ITPR1: variants seen among roughly 807,000 people sequenced by gnomAD.
ITPR1 encodes the protein inositol 1,4,5-trisphosphate receptor type 1, also known as inositol 1,4,5-trisphosphate-gated calcium channel ITPR1.
ITPR1 carries 96 observed loss-of-function variants against 318.4 expected under a neutral mutation model. The observed-to-expected ratio is 0.30, with a 90% CI of 0.26 to 0.36. The LOEUF (loss-of-function observed/expected upper bound fraction) is 0.36, where lower values mean the gene tolerates loss of function less well. Ranked by LOEUF, ITPR1 falls within the 10% of genes least tolerant of loss-of-function variation. The pLI, the probability that ITPR1 is intolerant of heterozygous loss-of-function variation, is 1.00. For synonymous variants in ITPR1, 1,312 were observed against 1,289.9 expected (o/e 1.02, Z -0.37); for missense variants, 2,440 against 3,460.2 (o/e 0.71, Z 7.40).
At chr3:4,687,484 G>C (rs1303600518) in intron 30 of ITPR1, among the ~76,000 whole-genome samples, 1 of 152,172 alleles carries the variant, frequency 6.6e-6, no homozygotes, top group African/African-American at 2.4e-5. Context: ...TGGGATAAGA[G>C]TAGCGCAGTC....
chr3:4,565,096 G>C (rs1246895561), intron 4 of ITPR1, among the ~76,000 whole-genome samples: 1 of 152,180 alleles, frequency 6.6e-6, no homozygotes, highest in Non-Finnish European at 1.5e-5. Context: ...TGTGTACTGA[G>C]CATTGGTAGG....
At chr3:4,580,672 AC>A (rs1385386978) in intron 4 of ITPR1, among the ~76,000 whole-genome samples, 1 of 150,598 alleles carries the variant, frequency 6.6e-6, no homozygotes, top group African/African-American at 2.5e-5. Context: ...TACTGTCCTT[AC>A]CCCCAACCTC....
chr3:4,792,306 C>G (rs1388126519), intron 52 of ITPR1, among the ~76,000 whole-genome samples: 1 of 152,248 alleles, frequency 6.6e-6, no homozygotes, highest in East Asian at 1.9e-4. Flanking sequence ...TAATGATTCA[C>G]ATGTCAACAT....
intron 55 of ITPR1, among the ~76,000 whole-genome samples, chr3:4,809,584 CTT>C (rs1048539252): frequency 7.3e-6 from 1 of 137,482 alleles, no homozygotes; most frequent in Non-Finnish European, 1.7e-5. Context: ...TTATTAGTGA[CTT>C]TTTTTCCTTT....
intron 26 of ITPR1, 59 bp from the exon 27 acceptor site, chr3:4,683,327 G>A: frequency 1.3e-6 from 2 of 1,580,722 alleles, no homozygotes; most frequent in South Asian, 1.1e-5. Flanking sequence ...TGGGCCCAAG[G>A]GGCGTGAGAG....
chr3:4,768,338 G>C, intron 45 of ITPR1, 173 bp from the exon 46 acceptor site: 1 of 663,612 alleles, frequency 1.5e-6, no homozygotes, highest in Non-Finnish European at 2.4e-6. Flanking sequence ...GGCCTGGCTC[G>C]GTTTTAATCC....
intron 35 of ITPR1, among the ~76,000 whole-genome samples, chr3:4,701,110 A>T (rs1222181666): frequency 6.6e-6 from 1 of 152,084 alleles, no homozygotes; most frequent in African/African-American, 2.4e-5. Flanking sequence ...GCAGGTGGCT[A>T]CTCTTATCCA....
At chr3:4,659,962 T>A (rs1351675557) in intron 13 of ITPR1, among the ~76,000 whole-genome samples, 4 of 152,174 alleles carry the variant, frequency 2.6e-5, no homozygotes, top group Admixed American at 6.5e-5. Flanking sequence ...TTGTTGAACA[T>A]CTGTTTGCCT....
At chr3:4,574,938 G>A (rs780059485) in intron 4 of ITPR1, among the ~76,000 whole-genome samples, 2 of 152,240 alleles carry the variant, frequency 1.3e-5, no homozygotes, top group African/African-American at 2.4e-5. Context: ...AAAGATGATT[G>A]CAAATGCAGT....
chr3:4,808,314 G>A (rs1326880805), intron 55 of ITPR1, among the ~76,000 whole-genome samples: 1 of 152,200 alleles, frequency 6.6e-6, no homozygotes, highest in African/African-American at 2.4e-5. Context: ...GTCAGTAACT[G>A]GTGGAGGCAG....
At chr3:4,769,195 A>C (rs994901681) in intron 46 of ITPR1, among the ~76,000 whole-genome samples, 1 of 152,156 alleles carries the variant, frequency 6.6e-6, no homozygotes, top group South Asian at 2.1e-4. Flanking sequence ...CCACCGAGCC[A>C]CCGAGCCTGG....
chr3:4,735,411 G>C, intron 44 of ITPR1, 57 bp downstream of exon 44: 1 of 1,440,140 alleles, frequency 6.9e-7, no homozygotes, highest in Non-Finnish European at 9.8e-7. Flanking sequence ...AGGAGAGTCT[G>C]TTCTGGGAGC....
At chr3:4,547,846 C>T (rs190382644) in intron 4 of ITPR1, among the ~76,000 whole-genome samples, 4 of 152,272 alleles carry the variant, frequency 2.6e-5, no homozygotes, top group Non-Finnish European at 5.9e-5. Context: ...TCAAACAGGA[C>T]ACCAGCCTGT....
chr3:4,830,514 A>G (rs4685829), intron 60 of ITPR1, among the ~76,000 whole-genome samples: 64,661 of 151,836 alleles, frequency 0.43, 14,100 homozygotes, highest in Middle Eastern at 0.52. Flanking sequence ...AGTGTCCCAT[A>G]TTCCTGCTTT....
At chr3:4,693,832 G>C in intron 33 of ITPR1, 91 bp downstream of exon 33, 1 of 1,416,316 alleles carries the variant, frequency 7.1e-7, no homozygotes, top group Non-Finnish European at 9.6e-7. Flanking sequence ...GGCTGGCCTG[G>C]GGGAGCCCTC....
In ITPR1 at chr3:4,735,261, C is replaced by T. The variant is rs550353343; in HGVS notation, c.5451C>T (p.Ile1817=). The part of the protein sequence containing the change: ...LDKEGASNLV[I]DLIMNASSDR... Reference sequence around the variant, plus strand: ...AGGAGGGGGCTTCCAATCTAGTTATCGACCTCATCATGAACGCATCCAGTG... The same window carrying T: ...AGGAGGGGGCTTCCAATCTAGTTATTGACCTCATCATGAACGCATCCAGTG... The change falls in exon 44 of 62, where the codon ATC becomes ATT. Residue 1817 remains isoleucine (I), a synonymous_variant. Coordinates refer to ENST00000649015, the MANE Select transcript of ITPR1 (RefSeq NM_001378452.1). 69 of 1,613,808 alleles carry T rather than the reference C, an allele frequency of 4.3e-5. No individual in the cohort carries two copies. In the East Asian group the frequency reaches 1.4e-3, roughly 32 times the overall value.
chr3:4,768,828 C>T, intron 46 of ITPR1, 64 bp downstream of exon 46: 1 of 1,518,818 alleles, frequency 6.6e-7, no homozygotes, highest in Non-Finnish European at 9.0e-7. Context: ...CTGCCTTCCT[C>T]TGATGGTTCA....
At chr3:4,595,469 T>C (rs1284499077) in intron 4 of ITPR1, among the ~76,000 whole-genome samples, 1 of 152,180 alleles carries the variant, frequency 6.6e-6, no homozygotes, top group African/African-American at 2.4e-5. Flanking sequence ...TCCAATCACT[T>C]TCCACCAGGT....
intron 53 of ITPR1, among the ~76,000 whole-genome samples, chr3:4,796,259 C>A (rs1049819715): frequency 8.6e-5 from 13 of 151,642 alleles, no homozygotes; most frequent in African/African-American, 1.2e-4. Context: ...CTGAATGCCC[C>A]CGCTCCGAAA....
Sources: gnomAD v4.1 joint callset for allele counts (sites outside exome capture counted in the v4.1 genomes callset) on GRCh38, gnomAD v4.1.1 for gene constraint, MANE v1.5 for transcripts, NCBI Gene and HGNC (gene_info 2026-07-23, HGNC 2026-07-21) for gene names.